LDLRAD3: variants seen among roughly 807,000 people sequenced by gnomAD.
The protein encoded by LDLRAD3 is low-density lipoprotein receptor class A domain-containing protein 3.
In LDLRAD3, 20 loss-of-function variants were observed where a neutral mutation model predicts 29.4. The observed-to-expected ratio is 0.68, with a 90% CI of 0.48 to 0.99. The LOEUF is 0.99. Among genes scored for constraint, LDLRAD3 ranks in the 50% least tolerant of loss-of-function variants. LDLRAD3 has a pLI of 0.00. For synonymous variants in LDLRAD3, 157 were observed against 192.7 expected, an observed-to-expected ratio of 0.81 and a Z score of 1.53; for missense variants, 420 against 454.3, an observed-to-expected ratio of 0.92 and a Z score of 0.69.
intron 2 of LDLRAD3, among the ~76,000 whole-genome samples, chr11:36,070,183 G>T (rs1852874085): frequency 6.6e-6 from 1 of 152,180 alleles, no homozygotes; most frequent in Non-Finnish European, 1.5e-5. Flanking sequence ...GAATGCTTAG[G>T]AATATTTTGA....
chr11:36,110,164 G>A (rs1853586570), intron 4 of LDLRAD3: 1 of 152,338 alleles, frequency 6.6e-6, no homozygotes, highest in African/African-American at 2.4e-5. Context: ...CACAGCAGCA[G>A]GAGTTTGAAG....
At chr11:36,219,415 AGCT>A in intron 4 of LDLRAD3, among the ~76,000 whole-genome samples, 1 of 152,358 alleles carries the variant, frequency 6.6e-6, no homozygotes, top group Middle Eastern at 3.4e-3. Flanking sequence ...TTAACTATAA[AGCT>A]GTAGTTAACA....
intron 1 of LDLRAD3, among the ~76,000 whole-genome samples, chr11:35,986,624 C>T (rs769020809): frequency 2.6e-5 from 4 of 152,200 alleles, no homozygotes; most frequent in Non-Finnish European, 5.9e-5. Context: ...TTTCTCCTGG[C>T]TGATTGAGAC....
intron 4 of LDLRAD3, among the ~76,000 whole-genome samples, chr11:36,181,575 C>T (rs1420020007): frequency 6.6e-6 from 1 of 152,168 alleles, no homozygotes; most frequent in African/African-American, 2.4e-5. Flanking sequence ...TAGGTTTTCA[C>T]ATGGAGCCTC....
At chr11:35,961,447 A>G (rs1298882467) in intron 1 of LDLRAD3, among the ~76,000 whole-genome samples, 1 of 152,184 alleles carries the variant, frequency 6.6e-6, no homozygotes, top group Non-Finnish European at 1.5e-5. Flanking sequence ...TTACCTGTAA[A>G]AGGAGGATAA....
intron 3 of LDLRAD3, 56 bp from the exon 4 acceptor site, chr11:36,098,271 G>A: frequency 6.2e-7 from 1 of 1,606,740 alleles, no homozygotes; most frequent in Non-Finnish European, 8.5e-7. Context: ...AAGTTCCAGG[G>A]TCCCCAAGGG....
intron 3 of LDLRAD3, among the ~76,000 whole-genome samples, chr11:36,090,589 G>A (rs1321502890): frequency 1.3e-5 from 2 of 152,166 alleles, no homozygotes; most frequent in Non-Finnish European, 2.9e-5. Context: ...AGCCTTTACC[G>A]ACAAGGAAGA....
chr11:36,111,338 G>A (rs756564461), intron 4 of LDLRAD3, among the ~76,000 whole-genome samples: 1 of 152,072 alleles, frequency 6.6e-6, no homozygotes, highest in Non-Finnish European at 1.5e-5. Flanking sequence ...GACCATAGAA[G>A]GGATATCCTC....
intron 2 of LDLRAD3, among the ~76,000 whole-genome samples, chr11:36,063,340 G>A (rs1166499776): frequency 6.6e-6 from 1 of 152,136 alleles, no homozygotes; most frequent in Non-Finnish European, 1.5e-5. Context: ...GCAATTTATT[G>A]CGACTATCTA....
intron 2 of LDLRAD3, among the ~76,000 whole-genome samples, chr11:36,063,905 A>C (rs990969772): frequency 6.6e-6 from 1 of 152,118 alleles, no homozygotes; most frequent in East Asian, 1.9e-4. Context: ...AGTCCCTTGA[A>C]TCTCCATATG....
rs568608975 is a variant in LDLRAD3 at position 36,070,205 on chromosome 11, CAG to C, written c.194-11447_194-11446del. ...TAGGAATATTTTGATATTGGCCAAA[CAG>C]GGGCAGATTCTTTATTGCCTCTTTA... On this transcript the variant is annotated intron_variant, in intron 2 of 5. Coordinates refer to ENST00000315571, the MANE Select transcript of LDLRAD3 (RefSeq NM_174902.4). Among the ~76,000 whole-genome samples, 20 of 152,354 alleles carry C rather than the reference CAG, an allele frequency of 1.3e-4. No individual in the cohort carries two copies. The South Asian group carries it at 1.4e-3, about 11-fold the overall frequency.
rs1347884312 is a variant in LDLRAD3, at chr11:36,221,062, G to A, written c.455-6023G>A. 2.0e-5 allele frequency among the ~76,000 whole-genome samples: 3 copies of A among 152,208 alleles called. No individual in the cohort carries two copies. In the South Asian group the frequency reaches 6.2e-4, roughly 32 times the overall value. ...AGGAATTCTGGACTTAGGAGGTCAG[G>A]CTGGGCCAGGCACGGTGGCTCACAC... On this transcript the variant is annotated intron_variant, in intron 4 of 5. Coordinates refer to ENST00000315571, the MANE Select transcript of LDLRAD3 (RefSeq NM_174902.4).
chr11:35,976,122 G>A (rs1187555131), intron 1 of LDLRAD3, among the ~76,000 whole-genome samples: 1 of 152,092 alleles, frequency 6.6e-6, no homozygotes. Flanking sequence ...AGTTCCTGAA[G>A]CAGAAATGTG....
chr11:36,132,419 C>T (rs892740835), intron 4 of LDLRAD3, among the ~76,000 whole-genome samples: 4 of 152,026 alleles, frequency 2.6e-5, no homozygotes, highest in African/African-American at 9.7e-5. Flanking sequence ...CGTGGCTAAA[C>T]TTACACAGTG....
chr11:36,087,496 G>T (rs1049991308), intron 3 of LDLRAD3, among the ~76,000 whole-genome samples: 3 of 152,094 alleles, frequency 2.0e-5, no homozygotes, highest in Non-Finnish European at 2.9e-5. Context: ...AATAAACCAG[G>T]CTGTATTTTT....
chr11:36,160,455 CA>C (rs1854422808), intron 4 of LDLRAD3, among the ~76,000 whole-genome samples: 1 of 152,136 alleles, frequency 6.6e-6, no homozygotes, highest in South Asian at 2.1e-4. Flanking sequence ...CTTATCCCAG[CA>C]GTTATTTTTT....
intron 2 of LDLRAD3, among the ~76,000 whole-genome samples, chr11:36,074,933 T>C (rs1234878768): frequency 6.6e-6 from 1 of 152,216 alleles, no homozygotes; most frequent in African/African-American, 2.4e-5. Context: ...CAGGCCTGAC[T>C]GCTGCCCTTT....
chr11:36,217,430 T>G (rs11033501), intron 4 of LDLRAD3, among the ~76,000 whole-genome samples: 1 of 152,148 alleles, frequency 6.6e-6, no homozygotes, highest in Non-Finnish European at 1.5e-5. Flanking sequence ...ATGCTGGAAC[T>G]AGACTTCCTG....
chr11:36,151,696 TC>T (rs1854280235), intron 4 of LDLRAD3, among the ~76,000 whole-genome samples: 1 of 152,110 alleles, frequency 6.6e-6, no homozygotes, highest in Non-Finnish European at 1.5e-5. Context: ...TTGGTCAAAA[TC>T]CCCAGTCCTG....
Sources: gnomAD v4.1 joint callset for allele counts (sites outside exome capture counted in the v4.1 genomes callset) on GRCh38, gnomAD v4.1.1 for gene constraint, MANE v1.5 for transcripts, NCBI Gene and HGNC (gene_info 2026-07-23, HGNC 2026-07-21) for gene names.